The following PAK5 variants were observed in gnomAD, a reference collection of about 807,000 sequenced individuals.
PAK5 encodes the protein p21 (RAC1) activated kinase 5.
In PAK5, 16 loss-of-function variants were observed where a neutral mutation model predicts 65.9. The ratio of observed to expected loss-of-function variants is 0.24; its 90% CI spans 0.16 to 0.37. PAK5 has a LOEUF of 0.37. Ranked by LOEUF, PAK5 falls within the 10% of genes least tolerant of loss-of-function variation. PAK5 has a pLI of 1.00. For synonymous variants in PAK5, 371 were observed against 354.9 expected, an observed-to-expected ratio of 1.05 and a Z score of -0.51; for missense variants, 785 against 903.9, an observed-to-expected ratio of 0.87 and a Z score of 1.69.
At chr20:9,661,979 G>A (rs1012107161) in intron 2 of PAK5, among the ~76,000 whole-genome samples, 1 of 152,130 alleles carries the variant, frequency 6.6e-6, no homozygotes, top group Admixed American at 6.5e-5. Context: ...CTGGACAATA[G>A]CTGGTCCTGG....
At chr20:9,692,293 C>T (rs969406052) in intron 2 of PAK5, among the ~76,000 whole-genome samples, 3 of 152,090 alleles carry the variant, frequency 2.0e-5, no homozygotes, top group Non-Finnish European at 4.4e-5. Context: ...TTAAAGATGG[C>T]TTTTGTAATT....
intron 1 of PAK5, among the ~76,000 whole-genome samples, chr20:9,754,679 A>C (rs1360143008): frequency 1.3e-5 from 2 of 152,190 alleles, no homozygotes; most frequent in Admixed American, 1.3e-4. Context: ...TTCATAGGCA[A>C]GAAGGGGTTT....
intron 3 of PAK5, among the ~76,000 whole-genome samples, chr20:9,605,901 G>C (rs1453663688): frequency 6.6e-6 from 1 of 152,168 alleles, no homozygotes; most frequent in Non-Finnish European, 1.5e-5. Context: ...CTGCACTCCA[G>C]CCTGGGTGAC....
At chr20:9,811,768 TG>T (rs2123756178) in intron 1 of PAK5, among the ~76,000 whole-genome samples, 1 of 152,288 alleles carries the variant, frequency 6.6e-6, no homozygotes, top group Non-Finnish European at 1.5e-5. Flanking sequence ...ACCCCGCCAC[TG>T]AAACAATGCA....
At chr20:9,808,550 G>C (rs2049259703) in intron 1 of PAK5, among the ~76,000 whole-genome samples, 2 of 152,132 alleles carry the variant, frequency 1.3e-5, no homozygotes, top group Admixed American at 6.6e-5. Flanking sequence ...CCACAGAAAG[G>C]GATGAAATAC....
chr20:9,595,637 A>G lies in PAK5; in HGVS notation c.205-14707T>C, dbSNP rs192021770. Among the ~76,000 whole-genome samples the G allele has an allele frequency of 2.1e-3, 326 of 152,320 alleles. 1 individual carries two copies. The highest frequency in any genetic ancestry group is 7.5e-3 in the African/African-American group (313 of 41,576). On this transcript the variant is annotated intron_variant, in intron 3 of 9. Transcript: ENST00000353224. ...TGTATTCTATCAGTTGTTTTCACAT[A>G]AAGACCACAGATTTAACAAAAACAT...
chr20:9,583,256 T>C (rs1367658744), intron 3 of PAK5, among the ~76,000 whole-genome samples: 1 of 152,226 alleles, frequency 6.6e-6, no homozygotes, highest in African/African-American at 2.4e-5. Flanking sequence ...TCTAATCAAG[T>C]ACCACATAAT....
At chr20:9,835,020 G>A (rs1979030420) in intron 1 of PAK5, among the ~76,000 whole-genome samples, 1 of 152,140 alleles carries the variant, frequency 6.6e-6, no homozygotes, top group Non-Finnish European at 1.5e-5. Context: ...GTTCTTAAAA[G>A]ATGCATTTGT....
chr20:9,793,789 A>T (rs1358286296), intron 1 of PAK5, among the ~76,000 whole-genome samples: 2 of 152,152 alleles, frequency 1.3e-5, no homozygotes, highest in East Asian at 1.9e-4. Context: ...AAGATCTAGA[A>T]CCGGAAATAC....
intron 4 of PAK5, among the ~76,000 whole-genome samples, chr20:9,576,835 T>C (rs1469878458): frequency 1.3e-5 from 2 of 152,176 alleles, no homozygotes; most frequent in African/African-American, 4.8e-5. Context: ...ATTCTTGCCT[T>C]ACAGATCTGT....
intron 4 of PAK5, among the ~76,000 whole-genome samples, chr20:9,578,727 T>C (rs971067160): frequency 6.6e-6 from 1 of 152,208 alleles, no homozygotes; most frequent in African/African-American, 2.4e-5. Context: ...TCATGTATCA[T>C]GAGACATGCG....
intron 1 of PAK5, among the ~76,000 whole-genome samples, chr20:9,729,789 G>GA (rs1555918244): frequency 6.6e-6 from 1 of 151,358 alleles, no homozygotes; most frequent in Non-Finnish European, 1.5e-5. Context: ...TTGTTTTTTT[G>GA]TTTTTTTTAC....
intron 2 of PAK5, among the ~76,000 whole-genome samples, chr20:9,671,114 T>C (rs2047490566): frequency 1.3e-5 from 2 of 152,324 alleles, no homozygotes; most frequent in Middle Eastern, 3.4e-3. Context: ...GAGGGCTCTG[T>C]TCTGTTCCAT....
At chr20:9,544,232 C>T (rs1207212903) in intron 8 of PAK5, 137 bp downstream of exon 8, 1 of 923,960 alleles carries the variant, frequency 1.1e-6, no homozygotes, top group Non-Finnish European at 1.7e-6. Context: ...TACTCTGTGC[C>T]TCATCTAGTG....
chr20:9,786,593 T>C (rs933521518), intron 1 of PAK5, among the ~76,000 whole-genome samples: 1 of 152,038 alleles, frequency 6.6e-6, no homozygotes, highest in African/African-American at 2.4e-5. Flanking sequence ...AGTGAACACA[T>C]CATTTAAGAA....
chr20:9,546,498 T>A (rs1239327350), intron 7 of PAK5, among the ~76,000 whole-genome samples: 1 of 152,154 alleles, frequency 6.6e-6, no homozygotes, highest in Non-Finnish European at 1.5e-5. Context: ...GATGAGAAGG[T>A]CCTTGGGATA....
At chr20:9,812,372 T>C (rs1022647110) in intron 1 of PAK5, among the ~76,000 whole-genome samples, 1 of 151,756 alleles carries the variant, frequency 6.6e-6, no homozygotes. Context: ...AAGTAACATA[T>C]AAAAATGATG....
intron 3 of PAK5, among the ~76,000 whole-genome samples, chr20:9,641,441 A>G (rs773421798): frequency 7.3e-5 from 4 of 54,826 alleles, no homozygotes; most frequent in Admixed American, 2.2e-4. Flanking sequence ...CTAGATACAG[A>G]GTGCCGATTG....
intron 2 of PAK5, among the ~76,000 whole-genome samples, chr20:9,663,843 T>A (rs2047378276): frequency 6.6e-6 from 1 of 152,192 alleles, no homozygotes; most frequent in Non-Finnish European, 1.5e-5. Flanking sequence ...TACTTTTCTA[T>A]GTGTAACTGG....
Sources: allele counts gnomAD v4.1 joint callset (sites outside exome capture counted in the v4.1 genomes callset), GRCh38; gene constraint gnomAD v4.1.1; transcripts MANE v1.5; gene names NCBI Gene and HGNC (gene_info 2026-07-23, HGNC 2026-07-21).